Variants in PTGER3 observed in about 807,000 individuals in gnomAD.
PTGER3 encodes the protein prostaglandin E2 receptor EP3 subtype.
In PTGER3, 22 loss-of-function variants were observed where a neutral mutation model predicts 34.7. The observed-to-expected ratio is 0.63, with a 90% CI of 0.45 to 0.91. The LOEUF is 0.91. Ranked by LOEUF, PTGER3 falls within the 40% of genes least tolerant of loss-of-function variation. The pLI, the probability that PTGER3 is intolerant of heterozygous loss-of-function variation, is 0.00. For missense variants in PTGER3, 468 were observed against 519.4 expected (o/e 0.90, Z 0.96); for synonymous variants, 241 against 230.1 (o/e 1.05, Z -0.43).
chr1:70,920,002 C>A (rs1452965578), intron 4 of PTGER3, among the ~76,000 whole-genome samples: 2 of 152,094 alleles, frequency 1.3e-5, no homozygotes, highest in African/African-American at 4.8e-5. Context: ...TTTACTGGGG[C>A]AAGCCTGGCT....
intron 2 of PTGER3, among the ~76,000 whole-genome samples, chr1:70,979,013 C>T (rs1653983649): frequency 1.3e-5 from 2 of 152,122 alleles, no homozygotes; most frequent in African/African-American, 2.4e-5. Flanking sequence ...CGCATAAATA[C>T]CCTAGAACAT....
At chr1:71,012,194 A>G in intron 2 of PTGER3, 111 bp downstream of exon 2, 3 of 1,600,240 alleles carry the variant, frequency 1.9e-6, no homozygotes, top group Admixed American at 1.7e-5. Flanking sequence ...AGCTGTGCAC[A>G]TGCAAGTTAA....
downstream of PTGER3, among the ~76,000 whole-genome samples, chr1:70,967,570 G>A (rs1316969654): frequency 4.6e-5 from 7 of 151,986 alleles, no homozygotes; most frequent in Non-Finnish European, 1.0e-4. Context: ...CTGGATTAAT[G>A]AAAAATATGA....
At chr1:70,880,836 A>AT (rs539714553) in intron 4 of PTGER3, among the ~76,000 whole-genome samples, 11 of 151,420 alleles carry the variant, frequency 7.3e-5, no homozygotes, top group Admixed American at 1.3e-4. Context: ...TGCCTTTAAC[A>AT]TTTTTTCCTG....
chr1:70,929,611 AG>A (rs1446279121), intron 4 of PTGER3, among the ~76,000 whole-genome samples: 28 of 152,324 alleles, frequency 1.8e-4, no homozygotes, highest in Admixed American at 7.2e-4. Flanking sequence ...ACTGGAAAAC[AG>A]GTGAAAAGAT....
At chr1:70,950,512 G>A (rs1470692972), downstream of PTGER3, among the ~76,000 whole-genome samples, 1 of 152,174 alleles carries the variant, frequency 6.6e-6, no homozygotes, top group African/African-American at 2.4e-5. Context: ...AAAGGAGCAA[G>A]CGTATTGGCA....
At chr1:71,044,375 T>G (rs1053554386) in intron 1 of PTGER3, among the ~76,000 whole-genome samples, 6 of 148,490 alleles carry the variant, frequency 4.0e-5, no homozygotes, top group Admixed American at 1.3e-4. Context: ...AGGTGGAGGC[T>G]GCAGAGAGCT....
downstream of PTGER3, among the ~76,000 whole-genome samples, chr1:70,966,267 A>G (rs1284183464): frequency 6.6e-6 from 1 of 152,196 alleles, no homozygotes; most frequent in Non-Finnish European, 1.5e-5. Context: ...GAAATTAGAT[A>G]GCTGGCTAAA....
chr1:70,887,399 C>G (rs1646520882), intron 4 of PTGER3, among the ~76,000 whole-genome samples: 1 of 152,112 alleles, frequency 6.6e-6, no homozygotes, highest in African/African-American at 2.4e-5. Flanking sequence ...GCTGGTTATG[C>G]TTATTACAGT....
chr1:70,945,780 T>C (rs567693883), intron 4 of PTGER3, among the ~76,000 whole-genome samples: 1 of 152,186 alleles, frequency 6.6e-6, no homozygotes, highest in South Asian at 2.1e-4. Flanking sequence ...ATTGAAAGCA[T>C]ATTTCTTATT....
chr1:70,982,384 C>G (rs1035517545), intron 2 of PTGER3, among the ~76,000 whole-genome samples: 1 of 152,104 alleles, frequency 6.6e-6, no homozygotes, highest in African/African-American at 2.4e-5. Flanking sequence ...TGATGTCTGA[C>G]AGATCTACTG....
At chr1:70,931,671 G>A (rs940225990) in intron 4 of PTGER3, among the ~76,000 whole-genome samples, 1 of 152,154 alleles carries the variant, frequency 6.6e-6, no homozygotes, top group Non-Finnish European at 1.5e-5. Context: ...GCTGTATGTT[G>A]GCCCCTTTTA....
chr1:70,939,876 C>G (rs1269771739), intron 4 of PTGER3, among the ~76,000 whole-genome samples: 1 of 152,210 alleles, frequency 6.6e-6, no homozygotes, highest in African/African-American at 2.4e-5. Flanking sequence ...GACATTTTCT[C>G]CATTGTCTCG....
intron 4 of PTGER3, among the ~76,000 whole-genome samples, chr1:70,934,436 C>T (rs1175855964): frequency 6.6e-6 from 1 of 152,176 alleles, no homozygotes; most frequent in Non-Finnish European, 1.5e-5. Flanking sequence ...GCTACTTCTG[C>T]TAAGGAAATT....
chr1:70,880,771 C>G (rs533519158), intron 4 of PTGER3, among the ~76,000 whole-genome samples: 5 of 151,876 alleles, frequency 3.3e-5, no homozygotes, highest in Admixed American at 3.3e-4. Context: ...GCTGAAAGTT[C>G]CACTGTTAGC....
Position 70,971,737 on chromosome 1 carries a change from TTAGAA to T in PTGER3, c.1170-9_1170-5del, listed in dbSNP as rs762799041. On this transcript the variant is annotated splice_region_variant and splice_polypyrimidine_tract_variant and intron_variant, in intron 3 of 3. Coordinates refer to ENST00000306666, the MANE Select transcript of PTGER3 (RefSeq NM_198719.2). ...TCCAACTCCGTTCTTTCATTATCTG[TTAGAA>T]TAGAGAGAGAAAGATGCAATAAGCA... is the stretch of plus-strand genomic sequence containing the variant. 8 of 1,547,426 alleles carry T rather than the reference TTAGAA, an allele frequency of 5.2e-6. No homozygotes were observed. In the Admixed American group the frequency reaches 1.5e-4, roughly 28 times the overall value.
At chr1:70,862,306 T>C (rs1388768357) in intron 4 of PTGER3, 1 of 1,349,262 alleles carries the variant, frequency 7.4e-7, no homozygotes, top group East Asian at 4.6e-5. Context: ...ATGACTTACA[T>C]CTGCTGTCAA....
At chr1:71,017,108 T>C (rs1182973054) in intron 1 of PTGER3, among the ~76,000 whole-genome samples, 1 of 152,014 alleles carries the variant, frequency 6.6e-6, no homozygotes, top group Non-Finnish European at 1.5e-5. Context: ...CAAAAAGGAC[T>C]CTGCAGATGT....
At chr1:70,924,813 A>T (rs985543630) in intron 4 of PTGER3, among the ~76,000 whole-genome samples, 8 of 152,186 alleles carry the variant, frequency 5.3e-5, no homozygotes, top group African/African-American at 1.9e-4. Context: ...CTTTCACTTT[A>T]ATCCATGAAC....
Sources: allele counts gnomAD v4.1 joint callset (sites outside exome capture counted in the v4.1 genomes callset), GRCh38; gene constraint gnomAD v4.1.1; transcripts MANE v1.5; gene names NCBI Gene and HGNC (gene_info 2026-07-23, HGNC 2026-07-21).